Variants in L1CAM observed in about 807,000 individuals in gnomAD.
L1CAM encodes neural cell adhesion molecule L1.
A neutral mutation model predicts 93.0 loss-of-function variants in L1CAM; 8 were observed. The observed-to-expected ratio is 0.09, with a 90% CI of 0.05 to 0.16. L1CAM has a LOEUF of 0.16. L1CAM is among the 10% of genes least tolerant of loss of function. The probability of loss-of-function intolerance (pLI) is 1.00; values close to 1 mark genes in which losing one functional copy is unlikely to be tolerated. For synonymous variants in L1CAM, 453 were observed against 453.0 expected (o/e 1.00, Z 0.00); for missense variants, 777 against 1,073.4 (o/e 0.72, Z 3.86).
At chrX:153,874,662 A>C (rs782738981) in intron 2 of L1CAM, among the ~76,000 whole-genome samples, 6 of 111,645 alleles carry the variant, frequency 5.4e-5, no homozygotes, top group African/African-American at 1.6e-4. Context: ...CCCAACCCCT[A>C]TCCGCCAACT....
intron 3 of L1CAM, chrX:153,872,942 G>A (rs782686511): frequency 7.8e-5 from 35 of 449,225 alleles, no homozygotes; most frequent in African/African-American, 2.7e-4. Context: ...AGAAAGAAGC[G>A]GGGGCAACAA....
At position 153,872,185 on chromosome X, in the gene L1CAM, C is replaced by A. The variant is rs782752037; in HGVS notation, c.367G>T (p.Ala123Ser). 1 of 1,209,359 alleles carries A rather than the reference C, an allele frequency of 8.3e-7. No homozygotes were observed. Among genetic ancestry groups the A allele is most frequent in the African/African-American group, 1.7e-5 (1 of 57,411 alleles). The stretch of plus-strand genomic sequence containing the variant: ...ATGAGCCGGATCTCATGGGACATGG[C>A]GGTGCCCAGCTTATTGCTGGCAAAG... Reference protein sequence around the residue: ...RCFASNKLGTAMSHEIRLMAE... With the variant: ...RCFASNKLGTSMSHEIRLMAE... Residue 123 changes from alanine (A) to serine (S), a missense_variant, in exon 5 of 29, where the codon GCC (alanine) becomes TCC (serine). By Grantham distance (99) the Ala-to-Ser change is moderately conservative (BLOSUM62 1). Around this residue, in one of 5 missense-constraint regions of L1CAM, gnomAD observed 574 missense variants for 781.0 expected, o/e 0.73. Transcript: ENST00000370060.
intron 1 of L1CAM, 114 bp from the exon 2 acceptor site, chrX:153,876,058 GC>G: frequency 2.3e-6 from 1 of 435,182 alleles, no homozygotes; most frequent in East Asian, 3.8e-5. Context: ...CCTCAGCCCC[GC>G]CCCCAGCTGG....
intron 1 of L1CAM, among the ~76,000 whole-genome samples, chrX:153,878,196 A>G (rs1243209847): frequency 1.8e-5 from 2 of 112,835 alleles, no homozygotes; most frequent in African/African-American, 6.4e-5. Flanking sequence ...GGACCTTATC[A>G]AAGCGGGCAC....
intron 1 of L1CAM, among the ~76,000 whole-genome samples, chrX:153,877,997 G>A (rs1269784215): frequency 8.9e-6 from 1 of 112,178 alleles, no homozygotes; most frequent in African/African-American, 3.2e-5. Flanking sequence ...TGAAAGAGGG[G>A]GCTCCTCTGA....
intron 5 of L1CAM, 88 bp downstream of exon 5, chrX:153,872,064 C>T (rs782518672): frequency 4.5e-5 from 37 of 826,121 alleles, no homozygotes; most frequent in African/African-American, 2.0e-4. Context: ...CCCCTCGCCA[C>T]GAGACAACTG....
At chrX:153,864,088 T>C in intron 25 of L1CAM, 71 bp from the exon 26 acceptor site, 1 of 1,190,405 alleles carries the variant, frequency 8.4e-7, no homozygotes, top group Non-Finnish European at 1.1e-6. Context: ...TGAAGTATGC[T>C]CTTAAAGTTG....
At chrX:153,882,282 G>A (rs1256875171) in intron 1 of L1CAM, among the ~76,000 whole-genome samples, 4 of 110,665 alleles carry the variant, frequency 3.6e-5, no homozygotes, top group African/African-American at 1.3e-4. Flanking sequence ...TGGGAGACAG[G>A]GCCACAGGGA....
intron 19 of L1CAM, 51 bp downstream of exon 19, chrX:153,866,598 G>A: frequency 1.0e-6 from 1 of 967,529 alleles, no homozygotes; most frequent in Non-Finnish European, 1.5e-6. Context: ...ATGGGCTGGG[G>A]TGGAAGCAGG....
At chrX:153,885,715 G>C (rs914099179) in intron 1 of L1CAM, 2 of 405,559 alleles carry the variant, frequency 4.9e-6, no homozygotes, top group Non-Finnish European at 7.0e-6. Context: ...TCCTTTCTCA[G>C]ACACGCACAC....
At position 153,865,837 on chromosome X, in the gene L1CAM, C is replaced by T; in HGVS notation, c.2432-18G>A. On this transcript the variant is annotated intron_variant, in intron 19 of 28. Coordinates refer to ENST00000370060, the MANE Select transcript of L1CAM (RefSeq NM_001278116.2). Reference sequence around the variant, plus strand: ...CTGGGGGTCTGGAAACCACCAGTGACTTGGATAGAGCCATAGGCTCTCACC... The same window carrying T: ...CTGGGGGTCTGGAAACCACCAGTGATTTGGATAGAGCCATAGGCTCTCACC... The T allele has an allele frequency of 9.0e-7, 1 of 1,106,963 alleles. No individual in the cohort carries two copies. Among genetic ancestry groups the T allele is most frequent in the Non-Finnish European group, 1.3e-6 (1 of 799,678 alleles). 91.2% of individuals were successfully genotyped at this position (1,106,963 alleles called of 1,213,427 possible). A position where few individuals can be genotyped will look rare whatever the true frequency, so the allele number is the denominator to read the frequency against.
At chrX:153,877,050 G>A (rs1265936111) in intron 1 of L1CAM, among the ~76,000 whole-genome samples, 2 of 109,781 alleles carry the variant, frequency 1.8e-5, no homozygotes, top group African/African-American at 6.6e-5. Context: ...GCTCATGCCT[G>A]TAATCCCAGC....
intron 14 of L1CAM, 86 bp downstream of exon 14, chrX:153,868,216 C>T (rs2064733561): frequency 1.7e-6 from 2 of 1,201,807 alleles, no homozygotes; most frequent in African/African-American, 1.8e-5. Flanking sequence ...CTGTCAGAGC[C>T]TTCCCCATCA....
chrX:153,869,608 G>A lies in L1CAM; in HGVS notation c.1179C>T (p.Asn393=). 2.5e-6 allele frequency: 3 copies of A among 1,210,134 alleles called. No individual in the cohort carries two copies. The highest frequency in any genetic ancestry group is 3.4e-6 in the Non-Finnish European group (3 of 894,726). ...RIQRGALILS[N]VQPSDTMVTQ... The stretch of plus-strand genomic sequence containing the variant: ...TCACCATTGTGTCACTGGGCTGCAC[G>A]TTGCTCAGGATCAGGGCGCCACGCT... The change falls in exon 11 of 29, where the codon AAC becomes AAT. Residue 393 remains asparagine (N), a synonymous_variant. Coordinates refer to ENST00000370060, the MANE Select transcript of L1CAM (RefSeq NM_001278116.2).
rs950831827 is a variant in L1CAM, at chrX:153,866,158, C to T, written c.2432-339G>A. On this transcript the variant is annotated intron_variant, in intron 19 of 28. Coordinates refer to ENST00000370060, the MANE Select transcript of L1CAM (RefSeq NM_001278116.2). ...GGTGCAACCGCATCTCTACTAAATACGAAAATTAGTTGGGTGTGGTGGCGC... is the reference window on the plus strand; with the variant it reads ...GGTGCAACCGCATCTCTACTAAATATGAAAATTAGTTGGGTGTGGTGGCGC... 2.7e-5 allele frequency among the ~76,000 whole-genome samples: 3 copies of T among 109,704 alleles called. No homozygotes were observed. The Admixed American group carries it at 2.9e-4, about 11-fold the overall frequency.
rs782546839 is a variant in L1CAM, at chrX:153,870,794, C to T, written c.690G>A (p.Lys230=). ...TGCAGAGCCTCTGAGACTCACTGGC[C>T]TTGACCCGGAGGTCAATGGGTTCCT... is the stretch of plus-strand genomic sequence containing the variant. ...IQKEPIDLRV[K]ATNSMIDRKP... Residue 230 remains lysine, a synonymous_variant, in exon 7 of 29, where the codon AAG becomes AAA. Transcript: ENST00000370060. 1.7e-6 allele frequency: 2 copies of T among 1,208,383 alleles called. No homozygotes were observed. The highest frequency in any genetic ancestry group is 1.1e-6 in the Non-Finnish European group (1 of 892,614).
intron 8 of L1CAM, 65 bp from the exon 9 acceptor site, chrX:153,870,305 CT>C: frequency 1.7e-6 from 2 of 1,182,138 alleles, no homozygotes; most frequent in Non-Finnish European, 2.3e-6. Context: ...CCCCAGCCCC[CT>C]ATACCCCGCG....
Position 153,865,342 on chromosome X carries a change from T to A in L1CAM, c.2706A>T (p.Gly902=). The change falls in exon 21 of 29, where the codon GGA becomes GGT. Residue 902 remains glycine, a synonymous_variant. Coordinates refer to ENST00000370060, the MANE Select transcript of L1CAM (RefSeq NM_001278116.2). ...HLEVQAFNGR[G]SGPASEFTFS... ...AGGTGAACTCGCTGGCGGGCCCCGA[T>A]CCTCGCCCGTTAAAGGCCTGCACCT... 8.3e-7 allele frequency: 1 copy of A among 1,210,751 alleles called. No individual in the cohort carries two copies. The highest frequency in any genetic ancestry group is 1.1e-6 in the Non-Finnish European group (1 of 895,257).
Position 153,863,789 on chromosome X carries a change from G to A in L1CAM, c.3457+94C>T, listed in dbSNP as rs782228083. Reference sequence around the variant, plus strand: ...GCGCCTGTCATCTTGTGGGGAGCTCGGGGAATCCAGGAGGCCTTGCAGAAG... The same window carrying A: ...GCGCCTGTCATCTTGTGGGGAGCTCAGGGAATCCAGGAGGCCTTGCAGAAG... On this transcript the variant is annotated intron_variant, in intron 26 of 28. Coordinates refer to ENST00000370060, the MANE Select transcript of L1CAM (RefSeq NM_001278116.2). 878 of 1,125,435 alleles carry A rather than the reference G, an allele frequency of 7.8e-4. 2 individuals are homozygous for A. The highest frequency in any genetic ancestry group is 9.1e-4 in the Non-Finnish European group (743 of 820,571). The allele number at this position is 1,125,435 out of a possible 1,213,427, so 92.7% of individuals were successfully genotyped here.
Sources: allele counts gnomAD v4.1 joint callset (sites outside exome capture counted in the v4.1 genomes callset), GRCh38; gene constraint gnomAD v4.1.1; regional missense constraint gnomAD v4.1.1; transcripts MANE v1.5; gene names NCBI Gene and HGNC (gene_info 2026-07-23, HGNC 2026-07-21).